ADAMTSL1: variants seen among roughly 807,000 people sequenced by gnomAD.
The protein encoded by ADAMTSL1 is ADAMTS like 1.
ADAMTSL1 carries 126 observed loss-of-function variants against 201.8 expected under a neutral mutation model. The observed-to-expected ratio is 0.62, with a 90% confidence interval of 0.54 to 0.72. The LOEUF is 0.72. ADAMTSL1 is among the 30% of genes least tolerant of loss of function. ADAMTSL1 has a pLI of 0.00. For synonymous variants in ADAMTSL1, 1,121 were observed against 903.4 expected (o/e 1.24, Z -4.32); for missense variants, 2,679 against 2,277.8 (o/e 1.18, Z -3.59).
At chr9:18,901,768 C>T (rs1411475631) in intron 26 of ADAMTSL1, among the ~76,000 whole-genome samples, 1 of 151,948 alleles carries the variant, frequency 6.6e-6, no homozygotes, top group East Asian at 1.9e-4. Context: ...ATAAGATGTA[C>T]ATAAAAACAA....
intron 1 of ADAMTSL1, among the ~76,000 whole-genome samples, chr9:17,984,432 AGTTTCTTTTG>A (rs1481014305): frequency 6.6e-6 from 1 of 151,924 alleles, no homozygotes; most frequent in African/African-American, 2.4e-5. Flanking sequence ...TTTCTTTACT[AGTTTCTTTTG>A]GGCACTTTTG....
intron 2 of ADAMTSL1, among the ~76,000 whole-genome samples, chr9:18,345,948 G>T (rs1190689019): frequency 6.6e-6 from 1 of 151,998 alleles, no homozygotes; most frequent in Non-Finnish European, 1.5e-5. Flanking sequence ...ACAAGTCAGG[G>T]ACTGCAGCCC....
intron 1 of ADAMTSL1, among the ~76,000 whole-genome samples, chr9:17,930,913 A>C (rs780641295): frequency 1.4e-4 from 21 of 152,116 alleles, no homozygotes; most frequent in Non-Finnish European, 2.8e-4. Flanking sequence ...AGCTGAATGG[A>C]AGCCCAGGTG....
intron 1 of ADAMTSL1, among the ~76,000 whole-genome samples, chr9:18,504,011 A>G (rs1206318197): frequency 7.0e-6 from 1 of 142,170 alleles, no homozygotes; most frequent in African/African-American, 2.9e-5. Flanking sequence ...TGTGTGCAGT[A>G]GCATGGTTAT....
At chr9:18,265,327 C>A (rs778789418) in intron 2 of ADAMTSL1, among the ~76,000 whole-genome samples, 2 of 151,786 alleles carry the variant, frequency 1.3e-5, no homozygotes, top group Non-Finnish European at 2.9e-5. Flanking sequence ...TCAGACTCAT[C>A]TTCTTGGTGA....
At chr9:18,795,554 T>C (rs941910664) in intron 20 of ADAMTSL1, 30 bp downstream of exon 20, 5 of 1,577,102 alleles carry the variant, frequency 3.2e-6, no homozygotes, top group Non-Finnish European at 4.3e-6. Flanking sequence ...TCTGTTCATT[T>C]CATAAACCTT....
chr9:18,506,485 G>T (rs1399131110), intron 2 of ADAMTSL1, among the ~76,000 whole-genome samples: 2 of 152,142 alleles, frequency 1.3e-5, no homozygotes, highest in East Asian at 3.9e-4. Context: ...GTCAGCTTGA[G>T]GTAGGATCTT....
chr9:18,478,715 C>A (rs1821583882), intron 1 of ADAMTSL1, among the ~76,000 whole-genome samples: 1 of 152,168 alleles, frequency 6.6e-6, no homozygotes, highest in South Asian at 2.1e-4. Context: ...CTCTTCGTAG[C>A]ATAAGGACCG....
At chr9:18,097,607 T>TGTAATG (rs1824310704) in intron 1 of ADAMTSL1, among the ~76,000 whole-genome samples, 1 of 152,216 alleles carries the variant, frequency 6.6e-6, no homozygotes, top group African/African-American at 2.4e-5. Context: ...TTTTCATCAA[T>TGTAATG]CTAATGCATG....
chr9:18,540,839 G>T (rs1820087683), intron 3 of ADAMTSL1, among the ~76,000 whole-genome samples: 1 of 152,112 alleles, frequency 6.6e-6, no homozygotes, highest in Non-Finnish European at 1.5e-5. Flanking sequence ...CTAATTGCAG[G>T]AACGTTGATT....
chr9:18,903,373 T>C lies in ADAMTSL1; in HGVS notation c.4852-2409T>C, dbSNP rs78638860. ...AATACAAAACAAACATGAAATATGG[T>C]TCATTTATGTAAATTTCAAAAACAG... is the stretch of plus-strand genomic sequence containing the variant. On this transcript the variant is annotated intron_variant, in intron 26 of 28. Transcript: ENST00000380548. 7.0e-3 allele frequency among the ~76,000 whole-genome samples: 1,071 copies of C among 152,208 alleles called. 16 individuals carry two copies. Among genetic ancestry groups the C allele is most frequent in the African/African-American group, 0.024 (1,003 of 41,534 alleles).
intron 2 of ADAMTSL1, among the ~76,000 whole-genome samples, chr9:18,290,621 A>G (rs559001908): frequency 6.6e-6 from 1 of 152,112 alleles, no homozygotes; most frequent in Non-Finnish European, 1.5e-5. Context: ...ATACTTGATG[A>G]AAGAAACCAA....
intron 5 of ADAMTSL1, among the ~76,000 whole-genome samples, chr9:18,626,916 T>TC (rs1826419533): frequency 6.7e-6 from 1 of 149,218 alleles, no homozygotes; most frequent in Non-Finnish European, 1.5e-5. Flanking sequence ...TCTTTTCTTT[T>TC]TTTCTTTTTC....
chr9:18,168,722 A>G (rs1032274287), intron 2 of ADAMTSL1, among the ~76,000 whole-genome samples: 1 of 145,390 alleles, frequency 6.9e-6, no homozygotes, highest in African/African-American at 2.5e-5. Flanking sequence ...CAATGGTTGA[A>G]CTAGTTTACA....
At chr9:18,376,209 T>C (rs1381351021) in intron 2 of ADAMTSL1, among the ~76,000 whole-genome samples, 1 of 152,252 alleles carries the variant, frequency 6.6e-6, no homozygotes, top group Non-Finnish European at 1.5e-5. Flanking sequence ...TTTTAAGATA[T>C]TTCTTGTAAG....
chr9:18,528,283 G>C (rs1819221455), intron 2 of ADAMTSL1, among the ~76,000 whole-genome samples: 1 of 152,022 alleles, frequency 6.6e-6, no homozygotes, highest in Non-Finnish European at 1.5e-5. Flanking sequence ...TTGCTGCACA[G>C]ATCAACCCAT....
At chr9:18,007,190 G>T (rs577259220) in intron 1 of ADAMTSL1, among the ~76,000 whole-genome samples, 1 of 151,982 alleles carries the variant, frequency 6.6e-6, no homozygotes, top group African/African-American at 2.4e-5. Flanking sequence ...ACTCATCACA[G>T]AACTCCTTTT....
chr9:18,705,317 T>TA (rs1178755694), intron 13 of ADAMTSL1, among the ~76,000 whole-genome samples: 2 of 152,136 alleles, frequency 1.3e-5, no homozygotes, highest in African/African-American at 4.8e-5. Flanking sequence ...AAATAAAAAA[T>TA]AAAAAAATTA....
intron 2 of ADAMTSL1, among the ~76,000 whole-genome samples, chr9:18,529,224 A>G (rs937133686): frequency 2.0e-5 from 3 of 152,120 alleles, no homozygotes; most frequent in Non-Finnish European, 4.4e-5. Flanking sequence ...TTTCTTGGAG[A>G]TGTTCCAATG....
Sources: gnomAD v4.1 joint callset for allele counts (sites outside exome capture counted in the v4.1 genomes callset) on GRCh38, gnomAD v4.1.1 for gene constraint, MANE v1.5 for transcripts, NCBI Gene and HGNC (gene_info 2026-07-23, HGNC 2026-07-21) for gene names.